The following C8A variants were observed in gnomAD, a reference collection of about 807,000 sequenced individuals.
C8A encodes the protein complement component C8 alpha chain.
C8A carries 67 observed loss-of-function variants against 65.3 expected under a neutral mutation model. The ratio of observed to expected loss-of-function variants is 1.03; its 90% CI spans 0.84 to 1.26. C8A has a LOEUF of 1.26. Ranked by LOEUF, C8A falls within the 50% of genes most tolerant of loss-of-function variation. The pLI is 0.00. For synonymous variants in C8A, 290 were observed against 259.4 expected, an observed-to-expected ratio of 1.12 and a Z score of -1.13; for missense variants, 781 against 723.9, an observed-to-expected ratio of 1.08 and a Z score of -0.90.
Position 56,895,170 on chromosome 1 carries a change from C to T in C8A, c.1096+9003C>T, listed in dbSNP as rs141841492. On this transcript the variant is annotated intron_variant, in intron 7 of 10. Transcript: ENST00000361249. ...AGATTTTGTATATCTTCCAAGTACT[C>T]ATCCCTTTTTCCATACATTCTGTCA... Among the ~76,000 whole-genome samples, 1,107 of 152,256 alleles carry T rather than the reference C, an allele frequency of 7.3e-3. 10 individuals are homozygous for T. Among genetic ancestry groups the T allele is most frequent in the African/African-American group, 0.019 (788 of 41,570 alleles).
At chr1:56,890,142 C>T (rs1644333198) in intron 7 of C8A, among the ~76,000 whole-genome samples, 1 of 152,124 alleles carries the variant, frequency 6.6e-6, no homozygotes, top group Non-Finnish European at 1.5e-5. Flanking sequence ...TACTTCAATG[C>T]CATTGTTCTG....
chr1:56,878,214 C>T (rs542832018), intron 4 of C8A, among the ~76,000 whole-genome samples: 1 of 152,090 alleles, frequency 6.6e-6, no homozygotes, highest in Non-Finnish European at 1.5e-5. Flanking sequence ...CCATAATGAC[C>T]TCATTGCAGC....
chr1:56,904,601 A>G (rs1158782917), intron 7 of C8A, among the ~76,000 whole-genome samples: 1 of 152,232 alleles, frequency 6.6e-6, no homozygotes, highest in Non-Finnish European at 1.5e-5. Context: ...GCTTCTAAAC[A>G]TAACAGACTT....
At chr1:56,858,847 A>T (rs1644002695) in intron 1 of C8A, among the ~76,000 whole-genome samples, 1 of 152,214 alleles carries the variant, frequency 6.6e-6, no homozygotes, top group Non-Finnish European at 1.5e-5. Flanking sequence ...TCAATCTGGG[A>T]TTAAGTCCTG....
At chr1:56,873,638 T>C (rs1644169529) in intron 2 of C8A, among the ~76,000 whole-genome samples, 1 of 152,096 alleles carries the variant, frequency 6.6e-6, no homozygotes, top group African/African-American at 2.4e-5. Context: ...TTGATTGAGG[T>C]AGGAAACCCA....
rs373473282 is a variant in C8A, at chr1:56,912,461, G to A, written c.1439G>A (p.Arg480His). 171 of 1,614,104 alleles carry A rather than the reference G, an allele frequency of 1.1e-4. No individual in the cohort carries two copies. The highest frequency in any genetic ancestry group is 1.6e-4 in the Middle Eastern group (1 of 6,084). ...HTSLGPLEAK[R>H]QNLRRALDQY... is the part of the protein sequence containing the mutation. ...AGCCTGGGGCCTCTGGAGGCCAAGCGCCAGAACCTGCGCCGCGCCTTGGAC... is the reference window on the plus strand; with the variant it reads ...AGCCTGGGGCCTCTGGAGGCCAAGCACCAGAACCTGCGCCGCGCCTTGGAC... Residue 480 changes from arginine to histidine, a missense_variant, in exon 10 of 11, where the codon CGC becomes CAC. Arg to His is a conservative substitution (Grantham distance 29). Transcript: ENST00000361249.
rs376875603 is a variant in C8A, at chr1:56,899,145, A to G, written c.1097-7522A>G. On this transcript the variant is annotated intron_variant, in intron 7 of 10. Transcript: ENST00000361249. ...CTCCTAGTTTCTTGGCTCTGTCCTT[A>G]CTCCCCTTAAGTCATCTGCATATAC... Among the ~76,000 whole-genome samples, 41 of 151,946 alleles carry G rather than the reference A, an allele frequency of 2.7e-4. No homozygotes were observed. In the South Asian group the frequency reaches 6.7e-3, roughly 25 times the overall value.
chr1:56,876,292 G>A, intron 4 of C8A, 83 bp downstream of exon 4: 8 of 1,556,458 alleles, frequency 5.1e-6, no homozygotes, highest in African/African-American at 1.4e-5. Context: ...ACAGAAGGGG[G>A]CCATTTTGGA....
intron 1 of C8A, among the ~76,000 whole-genome samples, chr1:56,859,236 A>G (rs1168671069): frequency 6.6e-6 from 1 of 152,206 alleles, no homozygotes; most frequent in Admixed American, 6.5e-5. Context: ...AGTACTTCCT[A>G]CCACCACAGG....
At chr1:56,855,200 TA>T (rs1190360669) in intron 1 of C8A, among the ~76,000 whole-genome samples, 5 of 152,202 alleles carry the variant, frequency 3.3e-5, no homozygotes, top group African/African-American at 1.2e-4. Context: ...AGAAGCTGAA[TA>T]ATTCAGGGTA....
intron 1 of C8A, among the ~76,000 whole-genome samples, chr1:56,855,399 T>C (rs1030340318): frequency 1.3e-5 from 2 of 152,162 alleles, no homozygotes; most frequent in Non-Finnish European, 2.9e-5. Flanking sequence ...CCTACTTTCT[T>C]ATCTGTAAAA....
At chr1:56,916,395 T>C (rs961560616) in intron 10 of C8A, among the ~76,000 whole-genome samples, 1 of 152,104 alleles carries the variant, frequency 6.6e-6, no homozygotes, top group African/African-American at 2.4e-5. Context: ...GCAGTCAAAT[T>C]CCATGGAGGC....
intron 4 of C8A, among the ~76,000 whole-genome samples, chr1:56,877,106 C>T (rs2101221952): frequency 6.6e-6 from 1 of 152,288 alleles, no homozygotes; most frequent in South Asian, 2.1e-4. Flanking sequence ...GCCAATGAGA[C>T]ATGTGAGGAC....
intron 7 of C8A, among the ~76,000 whole-genome samples, chr1:56,899,400 A>G (rs1016684690): frequency 1.3e-5 from 2 of 152,122 alleles, no homozygotes; most frequent in African/African-American, 2.4e-5. Context: ...TTATTTACTT[A>G]GTGTATAACC....
intron 7 of C8A, among the ~76,000 whole-genome samples, chr1:56,899,975 T>C (rs1182625344): frequency 6.6e-6 from 1 of 152,178 alleles, no homozygotes; most frequent in Non-Finnish European, 1.5e-5. Context: ...GTTTCAGAAT[T>C]TGGCCTTCAT....
intron 1 of C8A, among the ~76,000 whole-genome samples, chr1:56,856,655 A>G (rs1385904255): frequency 2.0e-5 from 3 of 152,140 alleles, no homozygotes; most frequent in Non-Finnish European, 4.4e-5. Flanking sequence ...TTTTAATGGT[A>G]CACATTTATT....
intron 10 of C8A, among the ~76,000 whole-genome samples, chr1:56,917,139 A>C (rs1219665950): frequency 2.0e-5 from 3 of 152,236 alleles, no homozygotes; most frequent in Non-Finnish European, 4.4e-5. Context: ...ATGGGCTCCC[A>C]GTGGCCTCTT....
chr1:56,876,239 G>A (rs776851142), intron 4 of C8A, 30 bp downstream of exon 4: 3 of 1,613,078 alleles, frequency 1.9e-6, no homozygotes, highest in Non-Finnish European at 1.7e-6. Flanking sequence ...CTATTTAGGA[G>A]CAGGGAATGA....
At chr1:56,862,414 T>C (rs1309753513) in intron 1 of C8A, among the ~76,000 whole-genome samples, 3 of 152,220 alleles carry the variant, frequency 2.0e-5, no homozygotes, top group African/African-American at 7.2e-5. Context: ...AATGCCAGGT[T>C]ATGCAAATTA....
Sources: gnomAD v4.1 joint callset for allele counts (sites outside exome capture counted in the v4.1 genomes callset) on GRCh38, gnomAD v4.1.1 for gene constraint, MANE v1.5 for transcripts, NCBI Gene and HGNC (gene_info 2026-07-23, HGNC 2026-07-21) for gene names.